ZBTB21: variants seen among roughly 807,000 people sequenced by gnomAD.
The protein encoded by ZBTB21 is zinc finger and BTB domain containing 21, also known as zinc finger and BTB domain-containing protein 21.
In ZBTB21, 10 loss-of-function variants were observed where a neutral mutation model predicts 39.8. The ratio of observed to expected loss-of-function variants is 0.25; its 90% CI spans 0.16 to 0.43. The LOEUF (loss-of-function observed/expected upper bound fraction) is 0.43. ZBTB21 is among the 20% of genes least tolerant of loss of function. ZBTB21 has a pLI of 1.00. For synonymous variants in ZBTB21, 551 were observed against 498.8 expected (o/e 1.10, Z -1.40); for missense variants, 1,221 against 1,296.3 (o/e 0.94, Z 0.89).
At chr21:41,998,917 A>C (rs1181622452) in intron 2 of ZBTB21, among the ~76,000 whole-genome samples, 1 of 152,214 alleles carries the variant, frequency 6.6e-6, no homozygotes, top group African/African-American at 2.4e-5. Context: ...GTAAATGGTA[A>C]ATTTTAATTC....
chr21:41,993,176 A>G lies in ZBTB21; in HGVS notation c.920T>C (p.Leu307Ser). The change falls in exon 3 of 3, where the codon TTG becomes TCG. Residue 307 changes from leucine to serine, a missense_variant. Physicochemically the swap from Leu to Ser is moderately radical, Grantham distance 145. Transcript: ENST00000310826. ...KGNGQGEDRNLLYYSKLGLVI... is the reference protein window; with the variant it reads ...KGNGQGEDRNSLYYSKLGLVI... ...TAAGCCTAACTTTGAATAGTACAAC[A>G]AGTTTCTATCTTCACCTTGACCATT... 1.9e-6 allele frequency: 3 copies of G among 1,613,780 alleles called. No homozygotes were observed. The South Asian group carries it at 3.3e-5, about 18-fold the overall frequency.
chr21:41,993,060 T>C lies in ZBTB21; in HGVS notation c.1036A>G (p.Met346Val). The change falls in exon 3 of 3, where the codon ATG becomes GTG. Residue 346 changes from methionine to valine, a missense_variant. By Grantham distance (21) the Met-to-Val change is conservative. Around this residue, in one of 4 missense-constraint regions of ZBTB21, gnomAD observed 500 missense variants for 465.6 expected, o/e 1.07. Coordinates refer to ENST00000310826, the MANE Select transcript of ZBTB21 (RefSeq NM_001098402.2). ...VKSLLRRSLS[M>V]DSQVPVYSPS... Reference sequence around the variant, plus strand: ...GAATAGACAGGAACCTGGCTATCCATCGACAATGACCGTCTGAGGAGACTC... The same window carrying C: ...GAATAGACAGGAACCTGGCTATCCACCGACAATGACCGTCTGAGGAGACTC... 1 of 1,614,228 alleles carries C rather than the reference T, an allele frequency of 6.2e-7. No individual in the cohort carries two copies. The highest frequency in any genetic ancestry group is 1.6e-4 in the Middle Eastern group (1 of 6,062).
chr21:41,995,758 G>A (rs963811133), intron 2 of ZBTB21, among the ~76,000 whole-genome samples: 3 of 152,206 alleles, frequency 2.0e-5, no homozygotes, highest in Admixed American at 6.5e-5. Context: ...AGAGGTCTAG[G>A]AGGAAAAAAT....
chr21:42,007,313 G>C (rs1328613326), intron 1 of ZBTB21, among the ~76,000 whole-genome samples: 1 of 152,154 alleles, frequency 6.6e-6, no homozygotes, highest in African/African-American at 2.4e-5. Flanking sequence ...GAAGTAAAGC[G>C]TATTACATCA....
At chr21:41,994,196 C>A in intron 2 of ZBTB21, 88 bp from the exon 3 acceptor site, 1 of 1,167,624 alleles carries the variant, frequency 8.6e-7, no homozygotes, top group Middle Eastern at 2.3e-4. Context: ...GCTGTCTTTG[C>A]ATAGGTACCA....
In ZBTB21 at chr21:41,988,553, T is replaced by G. The variant is rs1298857398; in HGVS notation, c.*2342A>C. On this transcript the variant is annotated 3_prime_UTR_variant, in exon 3 of 3. Coordinates refer to ENST00000310826, the MANE Select transcript of ZBTB21 (RefSeq NM_001098402.2). The stretch of plus-strand genomic sequence containing the variant: ...TACATGAGTGGAAGCATATTTTTTT[T>G]GACCACCAAAATAAACTCTTTCAGC... 5 of 152,184 alleles carry G rather than the reference T, an allele frequency of 3.3e-5. No individual in the cohort carries two copies. The highest frequency in any genetic ancestry group is 1.2e-4 in the African/African-American group (5 of 41,466). The allele number at this position is 152,184 out of a possible 1,614,324, so 9.4% of individuals were successfully genotyped here. A position where few individuals can be genotyped will look rare whatever the true frequency, so the allele number is the denominator to read the frequency against.
At chr21:42,007,570 G>A (rs139410296) in intron 1 of ZBTB21, among the ~76,000 whole-genome samples, 361 of 151,870 alleles carry the variant, frequency 2.4e-3, no homozygotes, top group African/African-American at 8.1e-3. Context: ...ACTCTACAAA[G>A]CTTTTGTAAT....
chr21:41,988,752 T>C lies in ZBTB21; in HGVS notation c.*2143A>G, dbSNP rs2065611412. The C allele has an allele frequency of 6.7e-6, 1 of 150,190 alleles. No individual in the cohort carries two copies. The highest frequency in any genetic ancestry group is 6.6e-5 in the Admixed American group (1 of 15,154). 9.3% of individuals were successfully genotyped at this position (150,190 alleles called of 1,614,324 possible). On this transcript the variant is annotated 3_prime_UTR_variant, in exon 3 of 3. Transcript: ENST00000310826. ...CAGATATGCAGAACCTATGTTTAGA[T>C]CAAAAATATTTTTTTTTTTTACTGA...
At chr21:42,004,975 A>T (rs2065862002) in intron 1 of ZBTB21, among the ~76,000 whole-genome samples, 1 of 152,216 alleles carries the variant, frequency 6.6e-6, no homozygotes, top group African/African-American at 2.4e-5. Context: ...CTCAGATTTC[A>T]AACCTAGACT....
intron 2 of ZBTB21, chr21:42,002,542 C>T (rs1047010935): frequency 2.6e-5 from 4 of 152,164 alleles, no homozygotes; most frequent in Non-Finnish European, 4.4e-5. Context: ...GGTGTACTTT[C>T]TCCTCAGTGT....
chr21:41,993,739 A>G lies in ZBTB21; in HGVS notation c.357T>C (p.Ser119=), dbSNP rs1261072799. ...LGISFLTNIV[S]KTPQAPFPTC... is the part of the protein sequence containing the mutation. Reference sequence around the variant, plus strand: ...TTGGAAAGGGGGCTTGAGGTGTTTTAGAAACGATGTTAGTCAGAAAGGAAA... The same window carrying G: ...TTGGAAAGGGGGCTTGAGGTGTTTTGGAAACGATGTTAGTCAGAAAGGAAA... The change falls in exon 3 of 3, where the codon TCT becomes TCC. Residue 119 remains serine, a synonymous_variant. Coordinates refer to ENST00000310826, the MANE Select transcript of ZBTB21 (RefSeq NM_001098402.2). 1 of 1,614,228 alleles carries G rather than the reference A, an allele frequency of 6.2e-7. No homozygotes were observed. Among genetic ancestry groups the G allele is most frequent in the South Asian group, 1.1e-5 (1 of 91,078 alleles).
intron 2 of ZBTB21, among the ~76,000 whole-genome samples, chr21:41,997,619 A>G (rs1289484743): frequency 1.3e-5 from 2 of 151,858 alleles, no homozygotes; most frequent in Admixed American, 1.3e-4. Flanking sequence ...AAAAAAGATT[A>G]GAAGTGTTGA....
chr21:41,995,932 T>C (rs1002435552), intron 2 of ZBTB21, among the ~76,000 whole-genome samples: 2 of 152,218 alleles, frequency 1.3e-5, no homozygotes, highest in Non-Finnish European at 2.9e-5. Flanking sequence ...CATGTGGTGT[T>C]AAGCCTGCAG....
In ZBTB21 at chr21:41,992,116, C is replaced by G. The variant is rs765102550; in HGVS notation, c.1980G>C (p.Arg660Ser). 4 of 1,614,024 alleles carry G rather than the reference C, an allele frequency of 2.5e-6. No homozygotes were observed. In the Admixed American group the frequency reaches 6.7e-5, roughly 27 times the overall value. ...CTCCTTTGGCTCGAGATCTCAAGTT[C>G]CTCTTGATGACTTGCTGTGCTTGGG... ...SSSQAQQVIK[R>S]NLRSRAKGAY... The change falls in exon 3 of 3, where the codon AGG (arginine) becomes AGC (serine). Residue 660 changes from arginine (R) to serine (S), a missense_variant. Physicochemically the swap from Arg to Ser is moderately radical, Grantham distance 110 (BLOSUM62 -1). Transcript: ENST00000310826. The surrounding 1 kb of genome is among the most constrained non-coding windows in gnomAD (Gnocchi z 4.1).
At position 41,992,916 on chromosome 21, in the gene ZBTB21, CTGT is replaced by C. The variant is rs1351522772; in HGVS notation, c.1177_1179del (p.Thr393del). The C allele has an allele frequency of 6.2e-7, 1 of 1,614,188 alleles. No homozygotes were observed. Among genetic ancestry groups the C allele is most frequent in the Non-Finnish European group, 8.5e-7 (1 of 1,180,032 alleles). ...AGCACTTGAGGCCTGTCATCTAGGG[CTGT>C]TTTTTCACTACAATCTTTTAAAGAT... On this transcript the variant is annotated inframe_deletion, in exon 3 of 3. Transcript: ENST00000310826. The surrounding 1 kb of genome is among the most constrained non-coding windows in gnomAD (Gnocchi z 4.1).
chr21:42,007,559 G>A (rs899164325), intron 1 of ZBTB21, among the ~76,000 whole-genome samples: 2 of 151,974 alleles, frequency 1.3e-5, no homozygotes, highest in Non-Finnish European at 2.9e-5. Flanking sequence ...AAATGTCACC[G>A]ACTCTACAAA....
rs924745278 is a variant in ZBTB21, at chr21:41,991,659, C to A, written c.2437G>T (p.Val813Phe). The A allele has an allele frequency of 1.9e-6, 3 of 1,614,136 alleles. No homozygotes were observed. Among genetic ancestry groups the A allele is most frequent in the Non-Finnish European group, 8.5e-7 (1 of 1,180,034 alleles). Residue 813 changes from valine to phenylalanine, a missense_variant, in exon 3 of 3, where the codon GTT (valine) becomes TTT (phenylalanine). Around this residue, in one of 4 missense-constraint regions of ZBTB21, gnomAD observed 523 missense variants for 542.5 expected, o/e 0.96. Transcript: ENST00000310826. This position sits in a 1 kb window ranked among gnomAD's most constrained non-coding sequence, Gnocchi z 4.9. The part of the protein sequence containing the change: ...MAPTENFSLP[V>F]LDHNGDVTGS... ...GTCACATCACCATTGTGGTCCAAAACGGGCAAAGAAAAGTTTTCGGTGGGT... is the reference window on the plus strand; with the variant it reads ...GTCACATCACCATTGTGGTCCAAAAAGGGCAAAGAAAAGTTTTCGGTGGGT...
Position 41,991,215 on chromosome 21 carries a change from A to C in ZBTB21, c.2881T>G (p.Ser961Ala). The change falls in exon 3 of 3, where the codon TCT (serine) becomes GCT (alanine). Residue 961 changes from serine to alanine, a missense_variant. Physicochemically the swap from Ser to Ala is moderately conservative, Grantham distance 99. Transcript: ENST00000310826. The surrounding 1 kb of genome is among the most constrained non-coding windows in gnomAD (Gnocchi z 4.9). ...RLWSHFQSHMSQASEESAHKE... is the reference protein window; with the variant it reads ...RLWSHFQSHMAQASEESAHKE... ...TGTGCCGATTCCTCTGAAGCCTGAG[A>C]CATGTGCGATTGGAAGTGACTCCAG... 2.5e-6 allele frequency: 4 copies of C among 1,614,170 alleles called. No individual in the cohort carries two copies. Among genetic ancestry groups the C allele is most frequent in the Non-Finnish European group, 3.4e-6 (4 of 1,180,028 alleles).
At chr21:42,001,928 C>A (rs2065822170) in intron 2 of ZBTB21, among the ~76,000 whole-genome samples, 1 of 152,148 alleles carries the variant, frequency 6.6e-6, no homozygotes, top group African/African-American at 2.4e-5. Context: ...GCAGTACATG[C>A]AACACTACAG....
Sources: allele counts gnomAD v4.1 joint callset (sites outside exome capture counted in the v4.1 genomes callset), GRCh38; gene constraint gnomAD v4.1.1; regional missense constraint gnomAD v4.1.1; non-coding constraint Gnocchi (gnomAD v3.1); transcripts MANE v1.5; gene names NCBI Gene and HGNC (gene_info 2026-07-23, HGNC 2026-07-21).